The following INPP5A variants were observed in gnomAD, a reference collection of about 807,000 sequenced individuals.
The protein encoded by INPP5A is 43 kDa inositol polyphosphate 5-phophatase.
Under a neutral mutation model 65.2 loss-of-function variants are expected in INPP5A, and 14 were observed. The observed-to-expected ratio is 0.21, with a 90% CI of 0.14 to 0.34. The LOEUF (loss-of-function observed/expected upper bound fraction) is 0.34. Ranked by LOEUF, INPP5A falls within the 10% of genes least tolerant of loss-of-function variation. The pLI is 1.00. For synonymous variants in INPP5A, 207 were observed against 208.3 expected, an observed-to-expected ratio of 0.99 and a Z score of 0.05; for missense variants, 431 against 545.6, an observed-to-expected ratio of 0.79 and a Z score of 2.09.
At chr10:132,656,337 A>G (rs1055854881) in intron 4 of INPP5A, among the ~76,000 whole-genome samples, 5 of 152,234 alleles carry the variant, frequency 3.3e-5, no homozygotes, top group Admixed American at 1.3e-4. Context: ...TTAATGGCTT[A>G]AAGTTGGAGC....
rs771805175 is a variant in INPP5A at position 132,765,832 on chromosome 10, C to A, written c.963C>A (p.Ile321=). 3.1e-6 allele frequency: 5 copies of A among 1,598,892 alleles called. No individual in the cohort carries two copies. Among genetic ancestry groups the A allele is most frequent in the Non-Finnish European group, 4.3e-6 (5 of 1,166,140 alleles). Residue 321 remains isoleucine, a synonymous_variant, in exon 12 of 16, where the codon ATC becomes ATA. Coordinates refer to ENST00000368594, the MANE Select transcript of INPP5A (RefSeq NM_005539.5). Reference sequence around the variant, plus strand: ...AGGACAGACTGTATGAACTGGACATCTCGTTCCCTCCCAGGTATGGAACAT... The same window carrying A: ...AGGACAGACTGTATGAACTGGACATATCGTTCCCTCCCAGGTATGGAACAT... ...VFKDRLYELD[I]SFPPSYPYSE...
At position 132,545,658 on chromosome 10, in the gene INPP5A, T is replaced by C. The variant is rs1198379078; in HGVS notation, c.75+7487T>C. Among the ~76,000 whole-genome samples, 1 of 152,230 alleles carries C rather than the reference T, an allele frequency of 6.6e-6. No individual in the cohort carries two copies. Among genetic ancestry groups the C allele is most frequent in the Non-Finnish European group, 1.5e-5 (1 of 68,028 alleles). On this transcript the variant is annotated intron_variant, in intron 1 of 15. Transcript: ENST00000368594. This position sits in a 1 kb window ranked among gnomAD's most constrained non-coding sequence, Gnocchi z 4.6. The stretch of plus-strand genomic sequence containing the variant: ...ATGCGGACCTGAAAGTGCTGTCAAG[T>C]TCCCCCTTCCTTTGCTCGGTTTCAT...
At chr10:132,658,277 G>T (rs2072685895) in intron 4 of INPP5A, among the ~76,000 whole-genome samples, 2 of 152,182 alleles carry the variant, frequency 1.3e-5, no homozygotes, top group Non-Finnish European at 2.9e-5. Context: ...CTTCCTAAAA[G>T]TGTTGGAATT....
At chr10:132,661,087 C>T (rs998677378) in intron 4 of INPP5A, among the ~76,000 whole-genome samples, 19 of 152,294 alleles carry the variant, frequency 1.2e-4, no homozygotes, top group African/African-American at 4.3e-4. Flanking sequence ...CTCCCTTGCA[C>T]AATGCCCCCA....
At chr10:132,756,965 T>C (rs1846633082) in intron 11 of INPP5A, among the ~76,000 whole-genome samples, 1 of 152,226 alleles carries the variant, frequency 6.6e-6, no homozygotes, top group Admixed American at 6.5e-5. Flanking sequence ...TTTTGAAATA[T>C]TAAATATAAA....
chr10:132,775,316 CCT>C (rs1177512605), intron 12 of INPP5A, among the ~76,000 whole-genome samples: 2 of 151,960 alleles, frequency 1.3e-5, no homozygotes, highest in Non-Finnish European at 2.9e-5. Context: ...CAGGTGCGCC[CCT>C]GTCCTGTGTG....
At chr10:132,752,844 A>G (rs894851957) in intron 11 of INPP5A, among the ~76,000 whole-genome samples, 14 of 152,170 alleles carry the variant, frequency 9.2e-5, no homozygotes, top group Admixed American at 2.6e-4. Flanking sequence ...CATACCGTAC[A>G]GTGTTTCCTA....
chr10:132,747,338 G>C (rs980657994), intron 9 of INPP5A, among the ~76,000 whole-genome samples: 18 of 152,256 alleles, frequency 1.2e-4, no homozygotes, highest in African/African-American at 3.9e-4. Flanking sequence ...AGCCACTTTG[G>C]GGGGCTTGAC....
intron 1 of INPP5A, among the ~76,000 whole-genome samples, chr10:132,574,708 T>G (rs2071394479): frequency 6.6e-6 from 1 of 150,990 alleles, no homozygotes; most frequent in African/African-American, 2.4e-5. Flanking sequence ...TTTTTTTTTT[T>G]GAGACAGAGT....
chr10:132,726,830 T>A lies in INPP5A; in HGVS notation c.657T>A (p.Asp219Glu), dbSNP rs368503613. Residue 219 changes from aspartate to glutamate, a missense_variant, in exon 9 of 16, where the codon GAT (aspartate) becomes GAA (glutamate). Transcript: ENST00000368594. ...ALGYVLDRIIDQRFEKVSYFV... is the reference protein window; with the variant it reads ...ALGYVLDRIIEQRFEKVSYFV... Reference sequence around the variant, plus strand: ...CTCTTTTTCTTTCCAGAATCATTGATCAGCGATTCGAGAAGGTTTCCTACT... The same window carrying A: ...CTCTTTTTCTTTCCAGAATCATTGAACAGCGATTCGAGAAGGTTTCCTACT... 1 of 1,602,066 alleles carries A rather than the reference T, an allele frequency of 6.2e-7. No homozygotes were observed. Among genetic ancestry groups the A allele is most frequent in the Non-Finnish European group, 8.5e-7 (1 of 1,171,260 alleles).
At chr10:132,621,023 A>G (rs2072100811) in intron 2 of INPP5A, among the ~76,000 whole-genome samples, 1 of 152,256 alleles carries the variant, frequency 6.6e-6, no homozygotes, top group Non-Finnish European at 1.5e-5. Context: ...GAAAAGCCAT[A>G]TGATCATCTC....
intron 1 of INPP5A, among the ~76,000 whole-genome samples, chr10:132,542,728 C>G (rs893285334): frequency 6.6e-6 from 1 of 152,254 alleles, no homozygotes; most frequent in Admixed American, 6.5e-5. Context: ...CCTCCTTCTT[C>G]TTCAGGGACG....
intron 4 of INPP5A, among the ~76,000 whole-genome samples, chr10:132,670,404 TGC>T (rs2072872957): frequency 3.9e-5 from 1 of 25,814 alleles, no homozygotes; most frequent in African/African-American, 1.7e-4. Flanking sequence ...ATCCTCTGAG[TGC>T]GCACTCCCAG....
chr10:132,752,446 G>C (rs895887263), intron 11 of INPP5A, among the ~76,000 whole-genome samples: 10 of 144,790 alleles, frequency 6.9e-5, no homozygotes, highest in African/African-American at 2.6e-4. Context: ...TGTGGAGGGG[G>C]CTGTGGCGTG....
intron 9 of INPP5A, among the ~76,000 whole-genome samples, chr10:132,743,171 C>G (rs997734524): frequency 7.4e-6 from 1 of 135,600 alleles, no homozygotes; most frequent in African/African-American, 2.7e-5. Context: ...GGACTGGGCC[C>G]GGGAGTGAGG....
chr10:132,557,838 G>T (rs534969335), intron 1 of INPP5A, among the ~76,000 whole-genome samples: 11 of 152,272 alleles, frequency 7.2e-5, no homozygotes, highest in African/African-American at 2.4e-4. Context: ...CTTACCCTGG[G>T]TCTCTGTTCA....
chr10:132,749,582 C>T lies in INPP5A; in HGVS notation c.798C>T (p.Leu266=). 3.1e-6 allele frequency: 5 copies of T among 1,613,018 alleles called. No homozygotes were observed. The South Asian group carries it at 5.5e-5, about 18-fold the overall frequency. ...RAADTNEVVK[L]IFRESDNDRK... ...CCGACACCAATGAAGTGGTGAAGCT[C>T]ATATTTCGTGAGTCGGACAACGACC... Residue 266 remains leucine (L), a synonymous_variant, in exon 10 of 16, where the codon CTC becomes CTT. Coordinates refer to ENST00000368594, the MANE Select transcript of INPP5A (RefSeq NM_005539.5).
At chr10:132,673,429 G>T (rs2072920722) in intron 4 of INPP5A, among the ~76,000 whole-genome samples, 1 of 152,196 alleles carries the variant, frequency 6.6e-6, no homozygotes, top group South Asian at 2.1e-4. Context: ...ATTGGACGCT[G>T]ATTCAGAGCA....
At chr10:132,671,312 G>C (rs1270394367) in intron 4 of INPP5A, among the ~76,000 whole-genome samples, 3 of 126,310 alleles carry the variant, frequency 2.4e-5, no homozygotes, top group Non-Finnish European at 5.2e-5. Flanking sequence ...GGGCTGCGGC[G>C]AGGCTTGTGC....
Sources: gnomAD v4.1 joint callset for allele counts (sites outside exome capture counted in the v4.1 genomes callset) on GRCh38, gnomAD v4.1.1 for gene constraint, Gnocchi (gnomAD v3.1) non-coding constraint, MANE v1.5 for transcripts, NCBI Gene and HGNC (gene_info 2026-07-23, HGNC 2026-07-21) for gene names.